DNAH11: variants seen among roughly 807,000 people sequenced by gnomAD.
The protein encoded by DNAH11 is axonemal beta dynein heavy chain 11.
DNAH11 carries 442 observed loss-of-function variants against 526.0 expected under a neutral mutation model. That is an observed-to-expected ratio of 0.84 (90% CI 0.78 to 0.91). DNAH11 has a LOEUF of 0.91. Among genes scored for constraint, DNAH11 ranks in the 40% least tolerant of loss-of-function variants. DNAH11 has a pLI of 0.00. For synonymous variants in DNAH11, 2,461 were observed against 1,935.9 expected, an observed-to-expected ratio of 1.27 and a Z score of -7.12; for missense variants, 6,989 against 5,448.7, an observed-to-expected ratio of 1.28 and a Z score of -8.90.
intron 25 of DNAH11, among the ~76,000 whole-genome samples, chr7:21,634,595 C>G (rs972087364): frequency 3.3e-5 from 5 of 152,140 alleles, no homozygotes; most frequent in African/African-American, 1.2e-4. Context: ...AAAACAAGCA[C>G]TGCTGAGCTA....
rs942938621 is a variant in DNAH11, at chr7:21,623,821, G to C, written c.4500+3743G>C. Among the ~76,000 whole-genome samples the C allele has an allele frequency of 1.8e-4, 27 of 151,534 alleles. 2 individuals carry two copies. The highest frequency in any genetic ancestry group is 5.1e-4 in the African/African-American group (21 of 41,254). ...CACACTCTGGGGACTGTTGTGGGGT[G>C]GGGGGAGGAGGGAGGGATAGCATTA... On this transcript the variant is annotated intron_variant, in intron 25 of 81. Transcript: ENST00000409508.
chr7:21,577,219 A>G (rs1308205426), intron 8 of DNAH11, among the ~76,000 whole-genome samples: 1 of 152,250 alleles, frequency 6.6e-6, no homozygotes, highest in Non-Finnish European at 1.5e-5. Context: ...AGAGAGCTTA[A>G]CACAAAAGAA....
At chr7:21,592,065 A>AC (rs1554316698) in intron 14 of DNAH11, among the ~76,000 whole-genome samples, 91 of 151,800 alleles carry the variant, frequency 6.0e-4, no homozygotes, top group East Asian at 9.7e-4. Context: ...ACAGAAAAAA[A>AC]ACACACACAC....
intron 25 of DNAH11, among the ~76,000 whole-genome samples, chr7:21,624,135 C>T (rs1786216237): frequency 1.3e-5 from 2 of 151,960 alleles, no homozygotes; most frequent in Admixed American, 6.6e-5. Context: ...GACACAATAA[C>T]AGGTAGTACA....
chr7:21,891,604 A>G (rs574746571), intron 76 of DNAH11, among the ~76,000 whole-genome samples: 6 of 152,224 alleles, frequency 3.9e-5, no homozygotes, highest in African/African-American at 1.4e-4. Context: ...TGTTATTGCT[A>G]TTCACATTGC....
At position 21,763,353 on chromosome 7, in the gene DNAH11, A is replaced by AGAAG. The variant is rs1262115470; in HGVS notation, c.8941-2075_8941-2074insGAAG. On this transcript the variant is annotated intron_variant, in intron 54 of 81. Coordinates refer to ENST00000409508, the MANE Select transcript of DNAH11 (RefSeq NM_001277115.2). ...CAAGACTGTCTCAAAAAAAAAAAAA[A>AGAAG]AAAGAAAAAAAAAAAGACTTACAAA... Among the ~76,000 whole-genome samples, 3 of 56,966 alleles carry AGAAG rather than the reference A, an allele frequency of 5.3e-5. 1 individual carries two copies. The highest frequency in any genetic ancestry group is 8.4e-5 in the Non-Finnish European group (3 of 35,556). The allele number at this position is 56,966 out of a possible 152,430, so 37.4% of individuals were successfully genotyped here.
In DNAH11 at chr7:21,798,277, G is replaced by A. The variant is rs1425806254; in HGVS notation, c.10027-2860G>A. On this transcript the variant is annotated intron_variant, in intron 61 of 81. Coordinates refer to ENST00000409508, the MANE Select transcript of DNAH11 (RefSeq NM_001277115.2). Reference sequence around the variant, plus strand: ...GCCCGGCTAATTTTTTGTATTTTTAGTAGAGATGGAGTTTCACCCTGCTGG... The same window carrying A: ...GCCCGGCTAATTTTTTGTATTTTTAATAGAGATGGAGTTTCACCCTGCTGG... Among the ~76,000 whole-genome samples the A allele has an allele frequency of 3.9e-5, 6 of 152,260 alleles. No individual in the cohort carries two copies. The East Asian group carries it at 1.2e-3, about 29-fold the overall frequency.
chr7:21,789,440 C>T (rs1788338787), intron 61 of DNAH11, 98 bp downstream of exon 61: 2 of 714,372 alleles, frequency 2.8e-6, no homozygotes, highest in South Asian at 2.1e-5. Flanking sequence ...TGAGCCCTAT[C>T]AAGCAGAAAG....
intron 2 of DNAH11, among the ~76,000 whole-genome samples, chr7:21,546,475 A>AG (rs1165282912): frequency 6.6e-6 from 1 of 152,206 alleles, no homozygotes; most frequent in Non-Finnish European, 1.5e-5. Flanking sequence ...TGGAACTTGG[A>AG]GGGGCAGGGC....
chr7:21,551,290 C>T (rs1216484664), intron 2 of DNAH11, among the ~76,000 whole-genome samples: 1 of 152,206 alleles, frequency 6.6e-6, no homozygotes, highest in Admixed American at 6.5e-5. Flanking sequence ...GAGGCTTGCT[C>T]AGCAGCGCCA....
rs573733901 is a variant in DNAH11 at position 21,655,740 on chromosome 7, C to T, written c.4945-92C>T. ...TTTTGAGACAACTCTAACTCCATAA[C>T]GTTTCATGACTTCATATGGCATCAT... On this transcript the variant is annotated intron_variant, in intron 28 of 81. Transcript: ENST00000409508. 64 of 1,286,050 alleles carry T rather than the reference C, an allele frequency of 5.0e-5. 1 individual carries two copies. The highest frequency in any genetic ancestry group is 4.6e-4 in the East Asian group (18 of 39,490). The allele number at this position is 1,286,050 out of a possible 1,614,324, so 79.7% of individuals were successfully genotyped here.
rs368805467 is a variant in DNAH11, at chr7:21,860,848, C to T, written c.11203-1005C>T. ...GAGGCCTCACAATCATGGTGGAAGG[C>T]GAAAGGCACTTCTTACATGGCAGCA... On this transcript the variant is annotated intron_variant, in intron 68 of 81. Coordinates refer to ENST00000409508, the MANE Select transcript of DNAH11 (RefSeq NM_001277115.2). Among the ~76,000 whole-genome samples the T allele has an allele frequency of 5.9e-4, 89 of 152,136 alleles. 1 individual carries two copies. Among genetic ancestry groups the T allele is most frequent in the African/African-American group, 1.3e-3 (56 of 41,496 alleles).
rs117734174 is a variant in DNAH11, at chr7:21,716,662, C to A, written c.6984-1113C>A. Among the ~76,000 whole-genome samples the A allele has an allele frequency of 1.5e-3, 226 of 152,238 alleles. 4 individuals carry two copies. In the East Asian group the frequency reaches 0.041, roughly 27 times the overall value. On this transcript the variant is annotated intron_variant, in intron 42 of 81. Coordinates refer to ENST00000409508, the MANE Select transcript of DNAH11 (RefSeq NM_001277115.2). ...TAAAATCAGTAGTTGAGATGGTGGC[C>A]TTCATTCCTTTGTCCCCAGGCACTG...
chr7:21,856,117 G>A (rs1400903411), intron 68 of DNAH11, among the ~76,000 whole-genome samples: 1 of 152,178 alleles, frequency 6.6e-6, no homozygotes, highest in Non-Finnish European at 1.5e-5. Context: ...AAGGTAGCAA[G>A]AAATGAATCT....
intron 8 of DNAH11, among the ~76,000 whole-genome samples, chr7:21,581,184 T>A (rs954495804): frequency 1.3e-5 from 2 of 152,230 alleles, no homozygotes; most frequent in South Asian, 4.1e-4. Context: ...GCCTTTTGAC[T>A]ATGAAGCACC....
At position 21,901,566 on chromosome 7, in the gene DNAH11, C is replaced by G. The variant is rs959454427; in HGVS notation, c.*312C>G. ...CCTGGGCAACAGAACAAGACTCCAT[C>G]TCAAAAAAAAAAAAGTACATCATAA... On this transcript the variant is annotated 3_prime_UTR_variant, in exon 82 of 82. Transcript: ENST00000409508. The G allele has an allele frequency of 1.5e-5, 3 of 194,698 alleles. No individual in the cohort carries two copies. The highest frequency in any genetic ancestry group is 3.1e-5 in the Non-Finnish European group (3 of 97,390). 12.1% of individuals were successfully genotyped at this position (194,698 alleles called of 1,614,324 possible).
At position 21,842,626 on chromosome 7, in the gene DNAH11, T is replaced by C. The variant is rs777007114; in HGVS notation, c.10774T>C (p.Tyr3592His). ...ILHTKLANPH[Y>H]KPELQAQTTL... ...TCACACAAAATTGGCAAATCCTCAC[T>C]ATAAGCCGGAATTACAAGCTCAGAC... Residue 3592 changes from tyrosine to histidine, a missense_variant, in exon 66 of 82, where the codon TAT becomes CAT. By Grantham distance (83) the Tyr-to-His change is moderately conservative. Coordinates refer to ENST00000409508, the MANE Select transcript of DNAH11 (RefSeq NM_001277115.2). The C allele has an allele frequency of 6.2e-7, 1 of 1,613,996 alleles. No individual in the cohort carries two copies. Among genetic ancestry groups the C allele is most frequent in the East Asian group, 2.2e-5 (1 of 44,880 alleles).
chr7:21,655,735 C>T, intron 28 of DNAH11, 97 bp from the exon 29 acceptor site: 2 of 1,242,580 alleles, frequency 1.6e-6, no homozygotes, highest in African/African-American at 1.5e-5. Context: ...ACTCTAACTC[C>T]ATAACGTTTC....
At chr7:21,586,043 T>A (rs1307746818) in intron 9 of DNAH11, among the ~76,000 whole-genome samples, 1 of 152,128 alleles carries the variant, frequency 6.6e-6, no homozygotes, top group Non-Finnish European at 1.5e-5. Flanking sequence ...ACATTTTGCA[T>A]GACAAACAAT....
Sources: gnomAD v4.1 joint callset for allele counts (sites outside exome capture counted in the v4.1 genomes callset) on GRCh38, gnomAD v4.1.1 for gene constraint, MANE v1.5 for transcripts, NCBI Gene and HGNC (gene_info 2026-07-23, HGNC 2026-07-21) for gene names.